The following NLN variants were observed in gnomAD, a reference collection of about 807,000 sequenced individuals.
The protein encoded by NLN is neurolysin, mitochondrial.
A neutral mutation model predicts 79.9 loss-of-function variants in NLN; 64 were observed. The observed-to-expected ratio is 0.80, with a 90% CI of 0.65 to 0.99. The LOEUF (loss-of-function observed/expected upper bound fraction) is 0.99, where lower values mean the gene tolerates loss of function less well. Ranked by LOEUF, NLN falls within the 50% of genes least tolerant of loss-of-function variation. NLN has a pLI of 0.00. For synonymous variants in NLN, 267 were observed against 296.6 expected (o/e 0.90, Z 1.02); for missense variants, 835 against 858.7 (o/e 0.97, Z 0.34).
At chr5:65,788,636 G>A in intron 8 of NLN, 152 bp downstream of exon 8, 1 of 790,366 alleles carries the variant, frequency 1.3e-6, no homozygotes, top group South Asian at 1.7e-5. Flanking sequence ...AGGAGTTCGA[G>A]ACCAGCCTGG....
At chr5:65,786,018 TGA>T in intron 7 of NLN, 108 bp downstream of exon 7, 6 of 974,276 alleles carry the variant, frequency 6.2e-6, no homozygotes, top group Non-Finnish European at 7.6e-6. Context: ...TTCCTTCATT[TGA>T]GAGAAGTATA....
intron 3 of NLN, among the ~76,000 whole-genome samples, chr5:65,764,285 C>G (rs252637): frequency 0.56 from 85,506 of 152,012 alleles, 24,376 homozygotes; most frequent in South Asian, 0.6. Context: ...TGTCACTTTA[C>G]ATTTCTTTGT....
intron 12 of NLN, among the ~76,000 whole-genome samples, chr5:65,814,262 C>T (rs960903329): frequency 6.6e-6 from 1 of 152,060 alleles, no homozygotes. Flanking sequence ...CAAAGGCCCT[C>T]GTCCTTCTTC....
intron 4 of NLN, among the ~76,000 whole-genome samples, chr5:65,779,506 A>G (rs1288353567): frequency 6.6e-6 from 1 of 152,218 alleles, no homozygotes; most frequent in East Asian, 1.9e-4. Flanking sequence ...CGAAGCAACA[A>G]TAGAATGAAT....
intron 12 of NLN, among the ~76,000 whole-genome samples, chr5:65,814,950 T>A (rs2150776390): frequency 6.6e-6 from 1 of 152,336 alleles, no homozygotes; most frequent in East Asian, 1.9e-4. Flanking sequence ...TGTCAATGAT[T>A]ATCTTTGGGG....
At chr5:65,736,870 G>A (rs1758738732) in intron 1 of NLN, among the ~76,000 whole-genome samples, 2 of 152,094 alleles carry the variant, frequency 1.3e-5, no homozygotes, top group African/African-American at 4.8e-5. Flanking sequence ...GGAGGCTGAG[G>A]CAAGAGCATT....
chr5:65,799,644 C>T (rs1373067685), intron 9 of NLN, among the ~76,000 whole-genome samples: 2 of 152,094 alleles, frequency 1.3e-5, no homozygotes, highest in African/African-American at 4.8e-5. Flanking sequence ...TAAGATGTAC[C>T]TGATCAGGAA....
At chr5:65,754,837 A>G (rs1232986470) in intron 1 of NLN, among the ~76,000 whole-genome samples, 1 of 151,952 alleles carries the variant, frequency 6.6e-6, no homozygotes, top group Non-Finnish European at 1.5e-5. Flanking sequence ...TATCCTGCTC[A>G]TGTTGTCTCT....
chr5:65,770,134 A>C (rs190184680), intron 3 of NLN, among the ~76,000 whole-genome samples: 2 of 152,364 alleles, frequency 1.3e-5, no homozygotes, highest in Non-Finnish European at 2.9e-5. Context: ...TATCTTTATG[A>C]TATCTGGGCA....
At chr5:65,769,971 A>G (rs951033184) in intron 3 of NLN, among the ~76,000 whole-genome samples, 2 of 152,220 alleles carry the variant, frequency 1.3e-5, no homozygotes, top group Non-Finnish European at 2.9e-5. Flanking sequence ...TCCAGAAAAT[A>G]GGCCTTCGGT....
chr5:65,765,527 AAAAAATAAATTAATTAATT>A (rs1759433725), intron 3 of NLN, among the ~76,000 whole-genome samples: 1 of 152,024 alleles, frequency 6.6e-6, no homozygotes, highest in Non-Finnish European at 1.5e-5. Context: ...TCAAAAAAAT[AAAAAATAAATTAATTAATT>A]AAAAATAGAA....
intron 6 of NLN, among the ~76,000 whole-genome samples, chr5:65,782,126 T>G (rs539676260): frequency 6.1e-4 from 93 of 152,356 alleles, no homozygotes; most frequent in Non-Finnish European, 1.0e-3. Context: ...TTCTGTACTA[T>G]GGTGACGTTT....
At position 65,780,263 on chromosome 5, in the gene NLN, T is replaced by A; in HGVS notation, c.643T>A (p.Phe215Ile). 7.1e-7 allele frequency: 1 copy of A among 1,416,804 alleles called. No individual in the cohort carries two copies. Among genetic ancestry groups the A allele is most frequent in the Non-Finnish European group, 9.8e-7 (1 of 1,019,056 alleles). The allele number at this position is 1,416,804 out of a possible 1,614,324, so 87.8% of individuals were successfully genotyped here. ...NLNEDDTFLVFSKAELGALPD... is the reference protein window; with the variant it reads ...NLNEDDTFLVISKAELGALPD... ...CAATGAGGATGATACCTTCCTTGTA[T>A]TTTCCAAGGCTGAACTTGGTAAGTT... is the stretch of plus-strand genomic sequence containing the variant. Residue 215 changes from phenylalanine (F) to isoleucine (I), a missense_variant, in exon 5 of 13, where the codon TTT becomes ATT. Coordinates refer to ENST00000380985, the MANE Select transcript of NLN (RefSeq NM_020726.5).
chr5:65,802,796 A>G (rs1034458281), intron 9 of NLN, among the ~76,000 whole-genome samples: 6 of 152,114 alleles, frequency 3.9e-5, no homozygotes, highest in Non-Finnish European at 8.8e-5. Flanking sequence ...TAGACCCTGG[A>G]GTGGATAGCT....
chr5:65,798,695 A>G lies in NLN; in HGVS notation c.1527+6040A>G, dbSNP rs555584717. Reference sequence around the variant, plus strand: ...TTTTTGTTATTTTATTTGTTTGCTTATACATATATAAACAATACATACATG... The same window carrying G: ...TTTTTGTTATTTTATTTGTTTGCTTGTACATATATAAACAATACATACATG... On this transcript the variant is annotated intron_variant, in intron 9 of 12. Coordinates refer to ENST00000380985, the MANE Select transcript of NLN (RefSeq NM_020726.5). Among the ~76,000 whole-genome samples the G allele has an allele frequency of 1.2e-4, 18 of 152,316 alleles. No homozygotes were observed. In the South Asian group the frequency reaches 3.5e-3, roughly 30 times the overall value.
At chr5:65,757,716 T>G (rs958860200) in intron 1 of NLN, among the ~76,000 whole-genome samples, 3 of 152,152 alleles carry the variant, frequency 2.0e-5, no homozygotes, top group African/African-American at 7.2e-5. Flanking sequence ...ACAATTTCTT[T>G]TTTCTTTTTT....
intron 3 of NLN, among the ~76,000 whole-genome samples, chr5:65,767,101 C>T (rs1030860544): frequency 5.3e-5 from 8 of 152,202 alleles, no homozygotes; most frequent in African/African-American, 1.7e-4. Context: ...GTCTGGAGGG[C>T]AGTAGCCCCC....
chr5:65,793,158 G>A (rs903156431), intron 9 of NLN: 6 of 246,344 alleles, frequency 2.4e-5, no homozygotes, highest in African/African-American at 1.4e-4. Flanking sequence ...CCAGAGTGGA[G>A]GTGTATGTGT....
chr5:65,747,816 A>G (rs1184337624), intron 1 of NLN, among the ~76,000 whole-genome samples: 2 of 152,222 alleles, frequency 1.3e-5, no homozygotes, highest in Non-Finnish European at 2.9e-5. Context: ...GCACAGTTGC[A>G]GGATGTTAGT....
Sources: allele counts gnomAD v4.1 joint callset (sites outside exome capture counted in the v4.1 genomes callset), GRCh38; gene constraint gnomAD v4.1.1; transcripts MANE v1.5; gene names NCBI Gene and HGNC (gene_info 2026-07-23, HGNC 2026-07-21).